Variants in FGF14 observed in about 807,000 individuals in gnomAD.
FGF14 encodes fibroblast growth factor 14.
Under a neutral mutation model 25.5 loss-of-function variants are expected in FGF14, and 5 were observed. The observed-to-expected ratio is 0.20, with a 90% CI of 0.10 to 0.41. The LOEUF is 0.41. Ranked by LOEUF, FGF14 falls within the 10% of genes least tolerant of loss-of-function variation. The probability of loss-of-function intolerance (pLI) is 1.00; values close to 1 mark genes in which losing one functional copy is unlikely to be tolerated. For synonymous variants in FGF14, 138 were observed against 118.3 expected, an observed-to-expected ratio of 1.17 and a Z score of -1.08; for missense variants, 222 against 320.1, an observed-to-expected ratio of 0.69 and a Z score of 2.34.
At position 101,781,581 on chromosome 13, in the gene FGF14, G is replaced by A. The variant is rs978072306; in HGVS notation, c.409-54771C>T. Among the ~76,000 whole-genome samples the A allele has an allele frequency of 7.2e-5, 11 of 152,122 alleles. 1 individual carries two copies. Among genetic ancestry groups the A allele is most frequent in the Non-Finnish European group, 2.9e-5 (2 of 68,022 alleles). On this transcript the variant is annotated intron_variant, in intron 3 of 4. Transcript: ENST00000376143. Reference sequence around the variant, plus strand: ...ATCTCATTTAATTATTAAAAAATATGGAGTATCTTTCATTCTCATTTTAGA... The same window carrying A: ...ATCTCATTTAATTATTAAAAAATATAGAGTATCTTTCATTCTCATTTTAGA...
intron 1 of FGF14, among the ~76,000 whole-genome samples, chr13:102,062,445 A>C (rs918859177): frequency 6.6e-6 from 1 of 152,194 alleles, no homozygotes. Flanking sequence ...AGAAGCTAAC[A>C]GTTACTAAGT....
rs1333642207 is a variant in FGF14 at position 101,717,115 on chromosome 13, AATTTT to A, written c.*5711_*5715del. 6.6e-6 allele frequency: 1 copy of A among 152,134 alleles called. No homozygotes were observed. Among genetic ancestry groups the A allele is most frequent in the Non-Finnish European group, 1.5e-5 (1 of 68,004 alleles). The allele number at this position is 152,134 out of a possible 1,614,324, so 9.4% of individuals were successfully genotyped here. A position where few individuals can be genotyped will look rare whatever the true frequency, so the allele number is the denominator to read the frequency against. The stretch of plus-strand genomic sequence containing the variant: ...TTTAAGATGAAAATTTTTACTTGGA[AATTTT>A]ATTTTAATGATGTAAATATTCTAGT... On this transcript the variant is annotated 3_prime_UTR_variant, in exon 5 of 5. Transcript: ENST00000376143.
chr13:102,038,827 C>G (rs1338220600), intron 1 of FGF14, among the ~76,000 whole-genome samples: 2 of 151,858 alleles, frequency 1.3e-5, no homozygotes, highest in Non-Finnish European at 2.9e-5. Flanking sequence ...TTTATTAATA[C>G]TTGATTTTAA....
intron 1 of FGF14, among the ~76,000 whole-genome samples, chr13:101,895,907 C>T (rs1023091235): frequency 1.3e-5 from 2 of 152,124 alleles, no homozygotes; most frequent in African/African-American, 4.8e-5. Context: ...GATGGAGTCT[C>T]AAAGCATCTG....
chr13:102,040,299 T>C (rs1178750481), intron 1 of FGF14, among the ~76,000 whole-genome samples: 1 of 152,224 alleles, frequency 6.6e-6, no homozygotes, highest in Non-Finnish European at 1.5e-5. Flanking sequence ...TTTTACTAGT[T>C]GTAGGCGGAG....
chr13:102,193,471 C>A (rs1267359068), intron 1 of FGF14, among the ~76,000 whole-genome samples: 1 of 152,086 alleles, frequency 6.6e-6, no homozygotes, highest in Non-Finnish European at 1.5e-5. Flanking sequence ...AGTTGAGACA[C>A]CTGAAAAGGT....
chr13:102,265,939 T>C (rs2052968798), intron 1 of FGF14, among the ~76,000 whole-genome samples: 1 of 152,040 alleles, frequency 6.6e-6, no homozygotes, highest in African/African-American at 2.4e-5. Flanking sequence ...TGCATTGTCA[T>C]TTAAAAAATT....
At chr13:101,997,116 A>T (rs756294791) in intron 1 of FGF14, among the ~76,000 whole-genome samples, 6 of 152,248 alleles carry the variant, frequency 3.9e-5, no homozygotes, top group Non-Finnish European at 8.8e-5. Flanking sequence ...AGTTTTCACC[A>T]CCAGTCTTGA....
chr13:102,247,447 C>T (rs2051934222), intron 1 of FGF14, among the ~76,000 whole-genome samples: 1 of 151,992 alleles, frequency 6.6e-6, no homozygotes, highest in South Asian at 2.1e-4. Flanking sequence ...AGGCACTTTT[C>T]TAAAGAAGAC....
chr13:102,360,696 C>A lies in FGF14; in HGVS notation c.208+40775G>T, dbSNP rs1009797552. Among the ~76,000 whole-genome samples the A allele has an allele frequency of 9.2e-5, 14 of 152,242 alleles. No homozygotes were observed. The East Asian group carries it at 2.7e-3, about 29-fold the overall frequency. ...TACAAACACCTTTTGAAGTCAATTT[C>A]AAGGAGCAAAATTATCAGACTGTCC... On this transcript the variant is annotated intron_variant, in intron 1 of 4. Transcript: ENST00000376131.
chr13:102,144,117 G>C (rs1032697580), intron 1 of FGF14, among the ~76,000 whole-genome samples: 7 of 152,142 alleles, frequency 4.6e-5, no homozygotes, highest in South Asian at 2.1e-4. Context: ...CTGGGCTCCA[G>C]TGGTCCTCCC....
chr13:102,048,641 G>A (rs2042093780), intron 1 of FGF14, among the ~76,000 whole-genome samples: 1 of 152,124 alleles, frequency 6.6e-6, no homozygotes, highest in African/African-American at 2.4e-5. Flanking sequence ...GTTACCTGCT[G>A]GGGATGATGA....
chr13:102,113,838 T>C (rs2045343159), intron 1 of FGF14, among the ~76,000 whole-genome samples: 1 of 152,166 alleles, frequency 6.6e-6, no homozygotes, highest in African/African-American at 2.4e-5. Flanking sequence ...ATTTCACAAG[T>C]AGTAAAAGGA....
At chr13:102,225,495 G>A (rs2050790620) in intron 1 of FGF14, among the ~76,000 whole-genome samples, 1 of 152,126 alleles carries the variant, frequency 6.6e-6, no homozygotes, top group South Asian at 2.1e-4. Context: ...TTTTATGAAT[G>A]CAAATTGTAT....
At chr13:102,039,792 G>A (rs1457930775) in intron 1 of FGF14, among the ~76,000 whole-genome samples, 4 of 152,124 alleles carry the variant, frequency 2.6e-5, no homozygotes, top group East Asian at 3.9e-4. Context: ...TATCTTATCC[G>A]CTGAAAAGAA....
intron 1 of FGF14, among the ~76,000 whole-genome samples, chr13:101,923,597 GTAT>G (rs1425482341): frequency 1.3e-5 from 2 of 152,016 alleles, no homozygotes; most frequent in Admixed American, 1.3e-4. Context: ...TTCCGTGATA[GTAT>G]TATTGACCTT....
intron 3 of FGF14, among the ~76,000 whole-genome samples, chr13:101,812,482 T>C (rs899215502): frequency 3.3e-5 from 5 of 151,116 alleles, no homozygotes; most frequent in African/African-American, 1.2e-4. Context: ...TTTATAGATC[T>C]TTTATATTTA....
intron 3 of FGF14, among the ~76,000 whole-genome samples, chr13:101,746,926 T>C (rs1263086824): frequency 1.3e-5 from 2 of 152,026 alleles, no homozygotes; most frequent in Non-Finnish European, 2.9e-5. Flanking sequence ...GAAACAGCAT[T>C]CTACACCTTT....
chr13:102,231,621 A>G (rs2051089026), intron 1 of FGF14, among the ~76,000 whole-genome samples: 2 of 152,234 alleles, frequency 1.3e-5, no homozygotes. Context: ...CAAATATAGC[A>G]TATGTTATGT....
Sources: allele counts gnomAD v4.1 joint callset (sites outside exome capture counted in the v4.1 genomes callset), GRCh38; gene constraint gnomAD v4.1.1; transcripts MANE v1.5; gene names NCBI Gene and HGNC (gene_info 2026-07-23, HGNC 2026-07-21).